ATP13A4: variants seen among roughly 807,000 people sequenced by gnomAD.
The protein encoded by ATP13A4 is probable cation-transporting ATPase 13A4.
In ATP13A4, 114 loss-of-function variants were observed where a neutral mutation model predicts 142.5. The observed-to-expected ratio is 0.80, with a 90% CI of 0.69 to 0.93. The LOEUF (loss-of-function observed/expected upper bound fraction) is 0.93, where lower values mean the gene tolerates loss of function less well. Among genes scored for constraint, ATP13A4 ranks in the 40% least tolerant of loss-of-function variants. The pLI is 0.00. For synonymous variants in ATP13A4, 488 were observed against 514.8 expected, an observed-to-expected ratio of 0.95 and a Z score of 0.70; for missense variants, 1,392 against 1,454.0, an observed-to-expected ratio of 0.96 and a Z score of 0.69.
chr3:193,453,292 A>C (rs1321090647), intron 17 of ATP13A4, among the ~76,000 whole-genome samples: 1 of 152,260 alleles, frequency 6.6e-6, no homozygotes, highest in African/African-American at 2.4e-5. Context: ...AAATATAGTT[A>C]CAAGAGAGTG....
At chr3:193,557,721 C>T (rs1046081109), upstream of ATP13A4, among the ~76,000 whole-genome samples, 6 of 152,216 alleles carry the variant, frequency 3.9e-5, no homozygotes, top group African/African-American at 1.4e-4. Flanking sequence ...ATTTATTTGG[C>T]ACATCCAAAG....
intron 2 of ATP13A4, among the ~76,000 whole-genome samples, chr3:193,571,742 GA>G (rs1415363719): frequency 2.6e-5 from 4 of 152,014 alleles, no homozygotes; most frequent in African/African-American, 9.7e-5. Flanking sequence ...CAAACAAGGA[GA>G]ATCTGAGGAA....
At chr3:193,471,674 T>TCACACACACA (rs3052495) in intron 8 of ATP13A4, among the ~76,000 whole-genome samples, 10 of 150,532 alleles carry the variant, frequency 6.6e-5, no homozygotes, top group African/African-American at 2.4e-4. Flanking sequence ...TATTGTCACT[T>TCACACACACA]CACACACACA....
intron 2 of ATP13A4, among the ~76,000 whole-genome samples, chr3:193,576,054 A>G (rs1363271085): frequency 6.6e-6 from 1 of 152,126 alleles, no homozygotes; most frequent in Non-Finnish European, 1.5e-5. Context: ...TGCAGTGCAC[A>G]GGCTAGCCAT....
Position 193,401,289 on chromosome 3 carries a change from G to T in ATP13A4, c.*1363C>A, listed in dbSNP as rs1714252763. Among the ~76,000 whole-genome samples the T allele has an allele frequency of 6.6e-6, 1 of 152,128 alleles. No homozygotes were observed. Reference sequence around the variant, plus strand: ...TTCAGTGTTGTCTCCTGAGGTAACAGAAACCTGAGTCTTCCTTGTGCTGAA... The same window carrying T: ...TTCAGTGTTGTCTCCTGAGGTAACATAAACCTGAGTCTTCCTTGTGCTGAA... On this transcript the variant is annotated 3_prime_UTR_variant, in exon 30 of 30. Coordinates refer to ENST00000342695, the MANE Select transcript of ATP13A4 (RefSeq NM_032279.4).
Position 193,501,996 on chromosome 3 carries a change from A to G in ATP13A4, c.381+497T>C, listed in dbSNP as rs1720571112. On this transcript the variant is annotated intron_variant, in intron 3 of 29. Coordinates refer to ENST00000342695, the MANE Select transcript of ATP13A4 (RefSeq NM_032279.4). ...ATATGTAAGAGCTGGGCTGGGCGGT[A>G]CATGCCTGCAATCCCAGCTACTAGG... is the stretch of plus-strand genomic sequence containing the variant. 2.6e-5 allele frequency among the ~76,000 whole-genome samples: 4 copies of G among 152,238 alleles called. No individual in the cohort carries two copies. The South Asian group carries it at 8.3e-4, about 32-fold the overall frequency.
rs1480300397 is a variant in ATP13A4, at chr3:193,464,990, G to A, written c.1411C>T (p.Pro471Ser). Residue 471 changes from proline to serine, a missense_variant, in exon 12 of 30, where the codon CCC becomes TCC. By Grantham distance (74) the Pro-to-Ser change is moderately conservative. Transcript: ENST00000342695. ...TGTCCACATACGTTGATCCTCTGGG[G>A]GCTAATGCAGAAGATGCCTCTCTTC... ...LKKRGIFCISPQRINVCGQLN... is the reference protein window; with the variant it reads ...LKKRGIFCISSQRINVCGQLN... 1 of 1,614,074 alleles carries A rather than the reference G, an allele frequency of 6.2e-7. No homozygotes were observed. Among genetic ancestry groups the A allele is most frequent in the East Asian group, 2.2e-5 (1 of 44,880 alleles).
chr3:193,555,106 G>A (rs35765762), upstream of ATP13A4: 4 of 469,838 alleles, frequency 8.5e-6, no homozygotes, highest in South Asian at 8.2e-5. Context: ...AACTTACAGG[G>A]AAAGAACTCA....
chr3:193,449,918 G>A (rs1483886658), intron 17 of ATP13A4, among the ~76,000 whole-genome samples: 1 of 151,934 alleles, frequency 6.6e-6, no homozygotes, highest in Non-Finnish European at 1.5e-5. Flanking sequence ...TCGGGAGTTC[G>A]AGACGAGCCT....
intron 17 of ATP13A4, among the ~76,000 whole-genome samples, chr3:193,452,567 ATTTT>A (rs751029977): frequency 8.3e-6 from 1 of 120,806 alleles, no homozygotes. Flanking sequence ...ACATTGTGGA[ATTTT>A]TTTTTTTTTT....
chr3:193,543,932 A>T (rs1286678201), intron 1 of ATP13A4, among the ~76,000 whole-genome samples: 1 of 152,220 alleles, frequency 6.6e-6, no homozygotes, highest in African/African-American at 2.4e-5. Context: ...TAGCTTGAAT[A>T]TCTAAAGGTC....
chr3:193,463,526 C>A (rs1718083587), intron 12 of ATP13A4, among the ~76,000 whole-genome samples: 1 of 150,488 alleles, frequency 6.6e-6, no homozygotes, highest in Non-Finnish European at 1.5e-5. Flanking sequence ...GTGACCAGAG[C>A]AAATTAATCC....
intron 7 of ATP13A4, among the ~76,000 whole-genome samples, chr3:193,484,652 C>A (rs1020726860): frequency 3.9e-5 from 6 of 152,120 alleles, no homozygotes; most frequent in African/African-American, 1.4e-4. Context: ...AAATGATTAA[C>A]AGAATAAGCC....
intron 25 of ATP13A4, among the ~76,000 whole-genome samples, chr3:193,418,782 C>T (rs1715254846): frequency 6.7e-6 from 1 of 149,972 alleles, no homozygotes; most frequent in South Asian, 2.1e-4. Context: ...TACAAGGCTA[C>T]TGCACTATGT....
chr3:193,491,453 T>C, intron 5 of ATP13A4, 55 bp from the exon 6 acceptor site: 1 of 1,256,702 alleles, frequency 8.0e-7, no homozygotes, highest in Non-Finnish European at 1.2e-6. Context: ...TAAAACTGAC[T>C]CCTCACCTAT....
At chr3:193,509,733 G>C (rs1721042648) in intron 2 of ATP13A4, among the ~76,000 whole-genome samples, 1 of 152,210 alleles carries the variant, frequency 6.6e-6, no homozygotes, top group African/African-American at 2.4e-5. Context: ...CGCAAAGAAT[G>C]AATCAACAAA....
In ATP13A4 at chr3:193,554,773, G is replaced by C; in HGVS notation, c.27C>G (p.His9Gln). 6.2e-7 allele frequency: 1 copy of C among 1,613,916 alleles called. No homozygotes were observed. Among genetic ancestry groups the C allele is most frequent in the East Asian group, 2.2e-5 (1 of 44,850 alleles). The stretch of plus-strand genomic sequence containing the variant: ...TCTCTTCTCCTTCATTGAGCAGAGC[G>C]TGCTGGCCCTTCTCAAAGTGTCCCA... MGHFEKGQ[H>Q]ALLNEGEENE... is the part of the protein sequence containing the mutation. The change falls in exon 1 of 30, where the codon CAC becomes CAG. Residue 9 changes from histidine to glutamine, a missense_variant. By Grantham distance (24) the His-to-Gln change is conservative (BLOSUM62 0). Coordinates refer to ENST00000342695, the MANE Select transcript of ATP13A4 (RefSeq NM_032279.4).
At chr3:193,457,503 T>C in intron 14 of ATP13A4, 38 bp from the exon 15 acceptor site, 1 of 1,584,466 alleles carries the variant, frequency 6.3e-7, no homozygotes. Context: ...CAGAGATTTA[T>C]TTATTGTTTG....
chr3:193,512,428 A>T (rs1448235234), intron 2 of ATP13A4, among the ~76,000 whole-genome samples: 1 of 152,188 alleles, frequency 6.6e-6, no homozygotes, highest in East Asian at 1.9e-4. Context: ...CTTTCAGATT[A>T]TAAATATATA....
Sources: allele counts gnomAD v4.1 joint callset (sites outside exome capture counted in the v4.1 genomes callset), GRCh38; gene constraint gnomAD v4.1.1; transcripts MANE v1.5; gene names NCBI Gene and HGNC (gene_info 2026-07-23, HGNC 2026-07-21).